The following MACROD2 variants were observed in gnomAD, a reference collection of about 807,000 sequenced individuals.
The protein encoded by MACROD2 is ADP-ribose glycohydrolase MACROD2.
In MACROD2, 36 loss-of-function variants were observed where a neutral mutation model predicts 70.4. That is an observed-to-expected ratio of 0.51 (90% CI 0.39 to 0.68). The LOEUF (loss-of-function observed/expected upper bound fraction) is 0.68. MACROD2 is among the 30% of genes least tolerant of loss of function. MACROD2 has a pLI of 0.00. For synonymous variants in MACROD2, 172 were observed against 178.8 expected, an observed-to-expected ratio of 0.96 and a Z score of 0.30; for missense variants, 496 against 538.4, an observed-to-expected ratio of 0.92 and a Z score of 0.78.
intron 5 of MACROD2, among the ~76,000 whole-genome samples, chr20:14,793,189 G>A (rs537584438): frequency 6.6e-6 from 1 of 152,082 alleles, no homozygotes; most frequent in Admixed American, 6.6e-5. Context: ...ACTTGTGTGT[G>A]TGTGTGTGTA....
intron 5 of MACROD2, among the ~76,000 whole-genome samples, chr20:15,008,444 G>A (rs898076635): frequency 6.6e-6 from 1 of 152,176 alleles, no homozygotes; most frequent in East Asian, 1.9e-4. Flanking sequence ...CAGCAGGTAT[G>A]TTTTGAGCAC....
chr20:14,429,747 G>A (rs2063869720), intron 3 of MACROD2, among the ~76,000 whole-genome samples: 1 of 152,128 alleles, frequency 6.6e-6, no homozygotes, highest in Non-Finnish European at 1.5e-5. Context: ...GGGGAATGGA[G>A]AGGAGTTAAC....
chr20:15,629,564 T>A (rs2049257948), intron 8 of MACROD2, among the ~76,000 whole-genome samples: 1 of 152,256 alleles, frequency 6.6e-6, no homozygotes, highest in Admixed American at 6.5e-5. Flanking sequence ...TCAGTGCTCT[T>A]TCCACATCTT....
intron 7 of MACROD2, among the ~76,000 whole-genome samples, chr20:15,489,563 G>T (rs920098802): frequency 6.6e-6 from 1 of 152,218 alleles, no homozygotes; most frequent in African/African-American, 2.4e-5. Context: ...TTAAATGGTA[G>T]AATGGGTGCT....
At chr20:15,577,704 C>G (rs1187516699) in intron 8 of MACROD2, among the ~76,000 whole-genome samples, 1 of 152,134 alleles carries the variant, frequency 6.6e-6, no homozygotes, top group East Asian at 1.9e-4. Context: ...CATAGATAAA[C>G]ACATGTACTC....
intron 4 of MACROD2, among the ~76,000 whole-genome samples, chr20:14,515,222 G>A (rs2085078143): frequency 6.6e-6 from 1 of 151,888 alleles, no homozygotes; most frequent in African/African-American, 2.4e-5. Flanking sequence ...ACAATACAGT[G>A]CAAAAATCGA....
chr20:15,080,158 A>C (rs752965078), intron 5 of MACROD2, among the ~76,000 whole-genome samples: 6 of 144,970 alleles, frequency 4.1e-5, no homozygotes, highest in African/African-American at 5.3e-5. Context: ...AAATAAATAA[A>C]TAACATCCTC....
chr20:14,972,138 G>A (rs1482048815), intron 5 of MACROD2, among the ~76,000 whole-genome samples: 1 of 152,240 alleles, frequency 6.6e-6, no homozygotes, highest in African/African-American at 2.4e-5. Context: ...ATGCCAAGGG[G>A]CAGGAAGCAG....
intron 8 of MACROD2, among the ~76,000 whole-genome samples, chr20:15,832,102 T>C (rs569696047): frequency 6.6e-6 from 1 of 151,994 alleles, no homozygotes; most frequent in South Asian, 2.1e-4. Context: ...GAAAAAATGG[T>C]TCAAAATGGA....
At chr20:15,639,879 A>T (rs563067442) in intron 8 of MACROD2, among the ~76,000 whole-genome samples, 69 of 151,914 alleles carry the variant, frequency 4.5e-4, no homozygotes, top group Admixed American at 3.9e-3. Flanking sequence ...GAGGAGAGAG[A>T]TGTAGGAGAA....
Position 15,967,040 on chromosome 20 carries a change from G to A in MACROD2, c.908-513G>A, listed in dbSNP as rs2066150577. 2.6e-5 allele frequency among the ~76,000 whole-genome samples: 4 copies of A among 152,144 alleles called. No homozygotes were observed. In the South Asian group the frequency reaches 8.3e-4, roughly 32 times the overall value. ...GCGAGGGAGGGAATGACCTTGCAGA[G>A]ACCAGAAGGTCTGCATTCCCTCTAT... On this transcript the variant is annotated intron_variant, in intron 12 of 17. Transcript: ENST00000684519.
chr20:15,365,874 C>T lies in MACROD2; in HGVS notation c.541-65531C>T, dbSNP rs531882012. Among the ~76,000 whole-genome samples, 6 of 152,148 alleles carry T rather than the reference C, an allele frequency of 3.9e-5. No homozygotes were observed. In the South Asian group the frequency reaches 6.2e-4, roughly 16 times the overall value. On this transcript the variant is annotated intron_variant, in intron 6 of 17. Transcript: ENST00000684519. ...CTAAAATTATATCTACTAGGAAAAG[C>T]AGTTGAATATATTTCTCTTACCTTT...
At chr20:15,672,376 C>T (rs2049992444) in intron 8 of MACROD2, among the ~76,000 whole-genome samples, 1 of 151,750 alleles carries the variant, frequency 6.6e-6, no homozygotes, top group Non-Finnish European at 1.5e-5. Context: ...CACACACACA[C>T]ACACACACAC....
chr20:15,512,956 G>A (rs1438805314), intron 8 of MACROD2, among the ~76,000 whole-genome samples: 2 of 152,118 alleles, frequency 1.3e-5, no homozygotes, highest in African/African-American at 4.8e-5. Context: ...CTAAGCACAG[G>A]GCAGCTTAGG....
At chr20:15,143,921 T>C (rs1313129182) in intron 5 of MACROD2, among the ~76,000 whole-genome samples, 1 of 132,900 alleles carries the variant, frequency 7.5e-6, no homozygotes. Context: ...TAAAATACCC[T>C]AACACTAACG....
chr20:15,014,814 C>T (rs1353586175), intron 5 of MACROD2, among the ~76,000 whole-genome samples: 1 of 152,022 alleles, frequency 6.6e-6, no homozygotes, highest in Admixed American at 6.5e-5. Flanking sequence ...AACCCAAAAG[C>T]CTAATTCTAT....
intron 3 of MACROD2, among the ~76,000 whole-genome samples, chr20:14,249,121 T>C (rs1460743247): frequency 6.8e-6 from 1 of 147,622 alleles, no homozygotes; most frequent in Non-Finnish European, 1.5e-5. Context: ...TTTCTATGAT[T>C]TCAAAGGTTT....
At position 14,246,827 on chromosome 20, in the gene MACROD2, A is replaced by T. The variant is rs566988123; in HGVS notation, c.271+161099A>T. Among the ~76,000 whole-genome samples, 9 of 152,298 alleles carry T rather than the reference A, an allele frequency of 5.9e-5. No individual in the cohort carries two copies. In the South Asian group the frequency reaches 1.9e-3, roughly 32 times the overall value. On this transcript the variant is annotated intron_variant, in intron 3 of 17. Transcript: ENST00000684519. ...CTTATTCAGCCTTCCCTCAAGGTGA[A>T]GCTCCATTTGCCGCTACAAAGTACT...
chr20:15,205,319 G>C (rs2076692227), intron 5 of MACROD2, among the ~76,000 whole-genome samples: 1 of 152,028 alleles, frequency 6.6e-6, no homozygotes. Context: ...TTTGGAAGAA[G>C]GATGATCATA....
Sources: allele counts gnomAD v4.1 joint callset (sites outside exome capture counted in the v4.1 genomes callset), GRCh38; gene constraint gnomAD v4.1.1; transcripts MANE v1.5; gene names NCBI Gene and HGNC (gene_info 2026-07-23, HGNC 2026-07-21).